The following PBX1 variants were observed in gnomAD, a reference collection of about 807,000 sequenced individuals.
PBX1 encodes PBX homeobox 1.
Under a neutral mutation model 53.4 loss-of-function variants are expected in PBX1, and 6 were observed. The observed-to-expected ratio is 0.11, with a 90% CI of 0.06 to 0.22. The LOEUF is 0.22. Among genes scored for constraint, PBX1 ranks in the 10% least tolerant of loss-of-function variants. The probability of loss-of-function intolerance (pLI) is 1.00; values close to 1 mark genes in which losing one functional copy is unlikely to be tolerated. For synonymous variants in PBX1, 204 were observed against 212.3 expected, an observed-to-expected ratio of 0.96 and a Z score of 0.34; for missense variants, 251 against 551.4, an observed-to-expected ratio of 0.46 and a Z score of 5.46.
At chr1:164,862,882 T>C (rs1571540677) in intron 2 of PBX1, among the ~76,000 whole-genome samples, 1 of 152,218 alleles carries the variant, frequency 6.6e-6, no homozygotes, top group African/African-American at 2.4e-5. Context: ...ATGTATTTAT[T>C]TTTTTCTGTA....
rs1659892019 is a variant in PBX1 at position 164,652,495 on chromosome 1, C to T, written c.265+89184C>T. Reference sequence around the variant, plus strand: ...CCATTAATAGATTCTTCCCATTCTACAGATGGGAAAAATGAGGGATAGAGA... The same window carrying T: ...CCATTAATAGATTCTTCCCATTCTATAGATGGGAAAAATGAGGGATAGAGA... On this transcript the variant is annotated intron_variant, in intron 2 of 8. Coordinates refer to ENST00000420696, the MANE Select transcript of PBX1 (RefSeq NM_002585.4). Among the ~76,000 whole-genome samples the T allele has an allele frequency of 3.3e-5, 5 of 152,208 alleles. No individual in the cohort carries two copies. In the South Asian group the frequency reaches 1.0e-3, roughly 32 times the overall value.
chr1:164,708,299 C>T (rs1663558353), intron 2 of PBX1, among the ~76,000 whole-genome samples: 1 of 152,156 alleles, frequency 6.6e-6, no homozygotes, highest in African/African-American at 2.4e-5. Flanking sequence ...GAGAGATGGT[C>T]ATTCCTAAGT....
chr1:164,642,707 G>C (rs1404069917), intron 2 of PBX1: 1 of 152,178 alleles, frequency 6.6e-6, no homozygotes, highest in Non-Finnish European at 1.5e-5. Context: ...TAGAAAATGA[G>C]ATATTAGAAG....
At chr1:164,631,524 C>G (rs1056329716) in intron 2 of PBX1, among the ~76,000 whole-genome samples, 7 of 152,144 alleles carry the variant, frequency 4.6e-5, no homozygotes, top group Non-Finnish European at 7.4e-5. Context: ...TGGAGAGTGA[C>G]AAGTCCACTT....
At chr1:164,575,563 T>G (rs1158806555) in intron 2 of PBX1, among the ~76,000 whole-genome samples, 1 of 152,184 alleles carries the variant, frequency 6.6e-6, no homozygotes, top group Non-Finnish European at 1.5e-5. Flanking sequence ...ATCCTCCTTA[T>G]AATTACCATT....
chr1:164,587,951 A>G (rs1655065956), intron 2 of PBX1, among the ~76,000 whole-genome samples: 1 of 152,220 alleles, frequency 6.6e-6, no homozygotes, highest in Admixed American at 6.5e-5. Flanking sequence ...GAGAAGAGAA[A>G]GAGCCCTAGG....
intron 2 of PBX1, among the ~76,000 whole-genome samples, chr1:164,790,646 G>A (rs1219139894): frequency 6.6e-6 from 1 of 152,022 alleles, no homozygotes. Context: ...GATCCACATG[G>A]CTCGCCATTC....
chr1:164,885,224 C>G (rs1012281102), intron 2 of PBX1, among the ~76,000 whole-genome samples: 2 of 152,156 alleles, frequency 1.3e-5, no homozygotes, highest in African/African-American at 4.8e-5. Context: ...CCATAACTAT[C>G]CCACACCTAC....
At chr1:164,578,250 G>A (rs1292103228) in intron 2 of PBX1, among the ~76,000 whole-genome samples, 1 of 152,152 alleles carries the variant, frequency 6.6e-6, no homozygotes, top group Non-Finnish European at 1.5e-5. Context: ...TAGAGGTTAT[G>A]GAAGCTCAAT....
intron 2 of PBX1, among the ~76,000 whole-genome samples, chr1:164,734,994 A>C (rs1412153873): frequency 6.6e-6 from 1 of 152,228 alleles, no homozygotes; most frequent in South Asian, 2.1e-4. Flanking sequence ...AAAAATATAC[A>C]TCTCCAGCTA....
chr1:164,788,647 T>A (rs962775346), intron 2 of PBX1, among the ~76,000 whole-genome samples: 24 of 152,014 alleles, frequency 1.6e-4, no homozygotes, highest in African/African-American at 5.1e-4. Flanking sequence ...CTTAAAAAAA[T>A]TTTTTTTGGG....
intron 2 of PBX1, among the ~76,000 whole-genome samples, chr1:164,615,436 A>C (rs925826538): frequency 3.3e-5 from 5 of 150,446 alleles, no homozygotes; most frequent in African/African-American, 1.2e-4. Context: ...TTTTAGAATA[A>C]TTTTTTTTTT....
At chr1:164,881,517 A>G (rs1672654392) in intron 2 of PBX1, among the ~76,000 whole-genome samples, 1 of 150,322 alleles carries the variant, frequency 6.7e-6, no homozygotes, top group African/African-American at 2.5e-5. Flanking sequence ...ATGCCAGTTG[A>G]TATTTGTAAG....
At chr1:164,598,786 A>C (rs77485728) in intron 2 of PBX1, among the ~76,000 whole-genome samples, 4,400 of 152,266 alleles carry the variant, frequency 0.029, 216 homozygotes, top group African/African-American at 0.1. Flanking sequence ...AAATAGCTTG[A>C]CATTGTGTCA....
At chr1:164,811,847 C>CT in intron 5 of PBX1, 143 bp from the exon 6 acceptor site, 1 of 457,696 alleles carries the variant, frequency 2.2e-6, no homozygotes, top group Middle Eastern at 5.6e-4. Flanking sequence ...TACTTCAGAT[C>CT]TTTTTACTGA....
chr1:164,775,205 G>C (rs1251823630), intron 2 of PBX1, among the ~76,000 whole-genome samples: 2 of 152,106 alleles, frequency 1.3e-5, no homozygotes, highest in Non-Finnish European at 2.9e-5. Flanking sequence ...TTAACGGAAG[G>C]AGCCAGATAA....
chr1:164,757,666 T>C lies in PBX1; in HGVS notation c.266-34828T>C, dbSNP rs1666602340. Reference sequence around the variant, plus strand: ...GGTATTGACAAGGAATAAGAAAGGATTTCTAAAATACATTTTTTTCAAGCT... The same window carrying C: ...GGTATTGACAAGGAATAAGAAAGGACTTCTAAAATACATTTTTTTCAAGCT... On this transcript the variant is annotated intron_variant, in intron 2 of 8. Coordinates refer to ENST00000420696, the MANE Select transcript of PBX1 (RefSeq NM_002585.4). 2.6e-5 allele frequency among the ~76,000 whole-genome samples: 4 copies of C among 152,162 alleles called. 1 individual carries two copies. The highest frequency in any genetic ancestry group is 2.6e-4 in the Admixed American group (4 of 15,282).
chr1:164,667,687 G>T (rs1262846080), intron 2 of PBX1, among the ~76,000 whole-genome samples: 1 of 152,130 alleles, frequency 6.6e-6, no homozygotes, highest in Non-Finnish European at 1.5e-5. Context: ...TCTACAGGAT[G>T]TAATCAGCTG....
At chr1:164,790,780 A>C (rs1571413326) in intron 2 of PBX1, among the ~76,000 whole-genome samples, 1 of 152,230 alleles carries the variant, frequency 6.6e-6, no homozygotes, top group African/African-American at 2.4e-5. Context: ...AGCCAGGAGC[A>C]TGTGGGCACA....
Sources: allele counts gnomAD v4.1 joint callset (sites outside exome capture counted in the v4.1 genomes callset), GRCh38; gene constraint gnomAD v4.1.1; transcripts MANE v1.5; gene names NCBI Gene and HGNC (gene_info 2026-07-23, HGNC 2026-07-21).